The following OSBPL1A variants were observed in gnomAD, a reference collection of about 807,000 sequenced individuals.
The protein encoded by OSBPL1A is oxysterol-binding protein-related protein 1.
A neutral mutation model predicts 137.1 loss-of-function variants in OSBPL1A; 80 were observed. The ratio of observed to expected loss-of-function variants is 0.58; its 90% CI spans 0.49 to 0.70. OSBPL1A has a LOEUF of 0.70. Among genes scored for constraint, OSBPL1A ranks in the 30% least tolerant of loss-of-function variants. OSBPL1A has a pLI of 0.00. For missense variants in OSBPL1A, 970 were observed against 1,129.4 expected (o/e 0.86, Z 2.02); for synonymous variants, 365 against 389.7 (o/e 0.94, Z 0.75).
chr18:24,355,521 G>A (rs2091518930), intron 4 of OSBPL1A, among the ~76,000 whole-genome samples: 1 of 151,742 alleles, frequency 6.6e-6, no homozygotes, highest in Non-Finnish European at 1.5e-5. Context: ...ACAAAAAACA[G>A]CAACAACAAA....
chr18:24,257,917 G>A (rs779159945), intron 15 of OSBPL1A, among the ~76,000 whole-genome samples: 1 of 152,126 alleles, frequency 6.6e-6, no homozygotes, highest in African/African-American at 2.4e-5. Context: ...ATCAAACTAC[G>A]ATGAGGTATC....
At chr18:24,337,355 T>C (rs2091191371) in intron 5 of OSBPL1A, among the ~76,000 whole-genome samples, 2 of 144,072 alleles carry the variant, frequency 1.4e-5, no homozygotes, top group Middle Eastern at 3.6e-3. Flanking sequence ...AATAAAGTAA[T>C]ACATAATATA....
At chr18:24,265,601 T>A (rs2089550623) in intron 15 of OSBPL1A, among the ~76,000 whole-genome samples, 1 of 152,162 alleles carries the variant, frequency 6.6e-6, no homozygotes, top group Non-Finnish European at 1.5e-5. Flanking sequence ...GAAACATTAT[T>A]ATAAGTGAGG....
chr18:24,249,723 C>T (rs1244449938), intron 15 of OSBPL1A, among the ~76,000 whole-genome samples: 1 of 152,202 alleles, frequency 6.6e-6, no homozygotes, highest in African/African-American at 2.4e-5. Context: ...CAGCCCTAGC[C>T]AGAGAATCAC....
At chr18:24,180,233 G>A (rs994083458) in intron 19 of OSBPL1A, among the ~76,000 whole-genome samples, 3 of 152,182 alleles carry the variant, frequency 2.0e-5, no homozygotes, top group Admixed American at 6.5e-5. Flanking sequence ...GTTGGAAAAT[G>A]CTGACTTATA....
At chr18:24,295,039 A>C (rs1285986667) in intron 14 of OSBPL1A, among the ~76,000 whole-genome samples, 34 of 152,168 alleles carry the variant, frequency 2.2e-4, no homozygotes, top group Admixed American at 2.2e-3. Context: ...CAGCAGTGTG[A>C]AAGTGTTCCC....
Position 24,166,659 on chromosome 18 carries a change from T to A in OSBPL1A, c.2579A>T (p.Asp860Val). ...TSFAMVLNEV[D>V]KDMESVIPKT... ...GGGAATCACACTCTCCATGTCTTTGTCTACTTCATTCAAAACCATTGCAAA... is the reference window on the plus strand; with the variant it reads ...GGGAATCACACTCTCCATGTCTTTGACTACTTCATTCAAAACCATTGCAAA... Residue 860 changes from aspartate to valine, a missense_variant, in exon 26 of 28, where the codon GAC becomes GTC. By Grantham distance (152) the Asp-to-Val change is radical. Around this residue, in one of 2 missense-constraint regions of OSBPL1A, gnomAD observed 323 missense variants for 456.8 expected, o/e 0.71. Coordinates refer to ENST00000319481, the MANE Select transcript of OSBPL1A (RefSeq NM_080597.4). The A allele has an allele frequency of 6.2e-7, 1 of 1,613,126 alleles. No homozygotes were observed. The highest frequency in any genetic ancestry group is 2.2e-5 in the East Asian group (1 of 44,784).
At chr18:24,358,607 A>G in intron 4 of OSBPL1A, 3 of 686,304 alleles carry the variant, frequency 4.4e-6, no homozygotes, top group Non-Finnish European at 8.0e-6. Context: ...GAAACACAGT[A>G]GGCCTTCAAT....
chr18:24,176,295 T>C (rs1175261302), intron 21 of OSBPL1A, among the ~76,000 whole-genome samples: 1 of 152,230 alleles, frequency 6.6e-6, no homozygotes, highest in Non-Finnish European at 1.5e-5. Flanking sequence ...TCCAAATATA[T>C]CGAGACAGTG....
At chr18:24,313,421 G>GA (rs67320005) in intron 12 of OSBPL1A, among the ~76,000 whole-genome samples, 12,034 of 137,920 alleles carry the variant, frequency 0.087, 577 homozygotes, top group East Asian at 0.17. Context: ...AGCCTGGGCG[G>GA]AAAAAAAAAA....
chr18:24,245,684 G>A (rs868771661), intron 15 of OSBPL1A, among the ~76,000 whole-genome samples: 2 of 152,296 alleles, frequency 1.3e-5, no homozygotes, highest in South Asian at 4.1e-4. Context: ...TTGACCTCCT[G>A]TCTCAGGCAG....
intron 15 of OSBPL1A, among the ~76,000 whole-genome samples, chr18:24,268,524 C>CT (rs1368474591): frequency 3.2e-5 from 4 of 125,552 alleles, no homozygotes; most frequent in South Asian, 2.4e-4. Context: ...ACATGTACCC[C>CT]ATTTTTTTTT....
At chr18:24,243,934 T>C (rs1277606514) in intron 15 of OSBPL1A, among the ~76,000 whole-genome samples, 1 of 152,178 alleles carries the variant, frequency 6.6e-6, no homozygotes, top group Non-Finnish European at 1.5e-5. Context: ...TAGAGAAACA[T>C]CTGAAAGCAT....
intron 14 of OSBPL1A, among the ~76,000 whole-genome samples, chr18:24,288,764 CAA>C (rs10627986): frequency 6.5e-4 from 82 of 127,022 alleles, no homozygotes; most frequent in Middle Eastern, 7.6e-3. Flanking sequence ...AAGACTGTCT[CAA>C]AAAAAAAAAA....
chr18:24,204,098 A>G (rs187733928), intron 17 of OSBPL1A, among the ~76,000 whole-genome samples: 4 of 152,348 alleles, frequency 2.6e-5, no homozygotes, highest in Admixed American at 2.6e-4. Flanking sequence ...TATTTCACAT[A>G]TCCACAGATG....
At chr18:24,218,117 C>T (rs1336682066) in intron 17 of OSBPL1A, among the ~76,000 whole-genome samples, 1 of 152,110 alleles carries the variant, frequency 6.6e-6, no homozygotes, top group Non-Finnish European at 1.5e-5. Context: ...TTACTAAATA[C>T]CATTTTGGAT....
intron 4 of OSBPL1A, among the ~76,000 whole-genome samples, chr18:24,356,688 A>AC (rs141983341): frequency 2.0e-3 from 300 of 152,134 alleles, no homozygotes; most frequent in African/African-American, 7.1e-3. Flanking sequence ...GTGGCTACTC[A>AC]CCCCCAGCCA....
chr18:24,346,017 A>C (rs2091340049), intron 4 of OSBPL1A, among the ~76,000 whole-genome samples: 1 of 152,226 alleles, frequency 6.6e-6, no homozygotes, highest in Non-Finnish European at 1.5e-5. Flanking sequence ...CCAATTTGAC[A>C]ACTAACTACT....
intron 1 of OSBPL1A, among the ~76,000 whole-genome samples, chr18:24,389,186 T>C (rs1183864878): frequency 6.6e-6 from 1 of 152,240 alleles, no homozygotes; most frequent in African/African-American, 2.4e-5. Context: ...ACTTTTCAGC[T>C]GCTCTTCTCA....
Sources: allele counts gnomAD v4.1 joint callset (sites outside exome capture counted in the v4.1 genomes callset), GRCh38; gene constraint gnomAD v4.1.1; regional missense constraint gnomAD v4.1.1; transcripts MANE v1.5; gene names NCBI Gene and HGNC (gene_info 2026-07-23, HGNC 2026-07-21).